The following ICA1L variants were observed in gnomAD, a reference collection of about 807,000 sequenced individuals.
The protein encoded by ICA1L is islet cell autoantigen 1 like.
In ICA1L, 50 loss-of-function variants were observed where a neutral mutation model predicts 61.3. That is an observed-to-expected ratio of 0.82 (90% CI 0.65 to 1.03). The LOEUF is 1.03. Ranked by LOEUF, ICA1L falls within the 50% of genes least tolerant of loss-of-function variation. The pLI, the probability that ICA1L is intolerant of heterozygous loss-of-function variation, is 0.00. For synonymous variants in ICA1L, 161 were observed against 191.3 expected (o/e 0.84, Z 1.31); for missense variants, 508 against 556.7 (o/e 0.91, Z 0.88).
At position 202,779,534 on chromosome 2, in the gene ICA1L, C is replaced by G. The variant is rs1692328415; in HGVS notation, c.1448G>C (p.Ter483SerextTer4). 6.4e-7 allele frequency: 1 copy of G among 1,568,018 alleles called. No homozygotes were observed. Among genetic ancestry groups the G allele is most frequent in the Middle Eastern group, 1.7e-4 (1 of 5,996 alleles). ...GHSDDELLNA[*>S] ...ACTGAAGTGACATTATAACTTCAGT[C>G]AAGCATTAAGAAGTTCATCATCTGA... Residue 483 changes from the stop codon to serine (S), a stop_lost, in exon 13 of 13, where the codon TGA becomes TCA. Coordinates refer to ENST00000358299, the MANE Select transcript of ICA1L (RefSeq NM_001288622.3).
At chr2:202,852,484 C>T (rs572652235) in intron 1 of ICA1L, among the ~76,000 whole-genome samples, 33 of 151,914 alleles carry the variant, frequency 2.2e-4, no homozygotes, top group African/African-American at 6.5e-4. Context: ...TCCTGGCTAA[C>T]ATGGTGAAAC....
chr2:202,804,442 T>G (rs1327277805), intron 9 of ICA1L, among the ~76,000 whole-genome samples: 1 of 152,144 alleles, frequency 6.6e-6, no homozygotes, highest in Non-Finnish European at 1.5e-5. Context: ...ATTGTCTTAC[T>G]AAGAAAATTA....
intron 1 of ICA1L, among the ~76,000 whole-genome samples, chr2:202,854,570 C>A (rs1694721662): frequency 6.6e-6 from 1 of 152,164 alleles, no homozygotes; most frequent in Non-Finnish European, 1.5e-5. Flanking sequence ...ACTCTCCACC[C>A]CAAATCAACA....
At position 202,817,529 on chromosome 2, in the gene ICA1L, C is replaced by T. The variant is rs942036515; in HGVS notation, c.573G>A (p.Val191=). The T allele has an allele frequency of 7.5e-6, 12 of 1,607,128 alleles. No homozygotes were observed. Among genetic ancestry groups the T allele is most frequent in the Non-Finnish European group, 9.4e-6 (11 of 1,175,510 alleles). ...MEKFRKVQMQ[V]RNSKASFDKL... is the part of the protein sequence containing the mutation. ...TGTCAAAAGAAGCTTTGCTATTTCT[C>T]ACTTGCATCTGTACCTGCAATAAAA... Residue 191 remains valine, a synonymous_variant, in exon 6 of 13, where the codon GTG becomes GTA. Coordinates refer to ENST00000358299, the MANE Select transcript of ICA1L (RefSeq NM_001288622.3).
At chr2:202,848,077 C>T (rs919507823) in intron 1 of ICA1L, among the ~76,000 whole-genome samples, 13 of 152,016 alleles carry the variant, frequency 8.6e-5, no homozygotes, top group Non-Finnish European at 1.8e-4. Flanking sequence ...CTGGGGACTA[C>T]TGGAGTGGGG....
intron 11 of ICA1L, 60 bp downstream of exon 11, chr2:202,788,770 C>G (rs1004105103): frequency 3.5e-5 from 54 of 1,559,958 alleles, no homozygotes; most frequent in Non-Finnish European, 4.2e-5. Context: ...ATAAGCACAC[C>G]ATTTTGCTTC....
rs1318093435 is a variant in ICA1L, at chr2:202,841,410, G to A, written c.-7-12394C>T. 2.6e-6 allele frequency: 3 copies of A among 1,165,332 alleles called. No individual in the cohort carries two copies. In the Admixed American group the frequency reaches 5.1e-5, roughly 20 times the overall value. 72.2% of individuals were successfully genotyped at this position (1,165,332 alleles called of 1,614,324 possible). ...AGCCATCTTCTGCTGCTGCAGGAGG[G>A]CTCCACTTGGTCTCCAGCATCTTGT... is the stretch of plus-strand genomic sequence containing the variant. On this transcript the variant is annotated intron_variant, in intron 1 of 12. Coordinates refer to ENST00000358299, the MANE Select transcript of ICA1L (RefSeq NM_001288622.3).
chr2:202,810,048 A>G (rs926061536), intron 9 of ICA1L, among the ~76,000 whole-genome samples: 9 of 152,210 alleles, frequency 5.9e-5, no homozygotes, highest in East Asian at 3.9e-4. Flanking sequence ...GCATTTAGTA[A>G]TCAAACTCCC....
intron 10 of ICA1L, among the ~76,000 whole-genome samples, chr2:202,791,517 G>C (rs565452354): frequency 6.6e-6 from 1 of 152,308 alleles, no homozygotes; most frequent in African/African-American, 2.4e-5. Flanking sequence ...AACACCATCA[G>C]TCACTGGAGA....
intron 12 of ICA1L, among the ~76,000 whole-genome samples, chr2:202,784,179 C>T (rs1470279679): frequency 6.6e-6 from 1 of 152,158 alleles, no homozygotes; most frequent in Non-Finnish European, 1.5e-5. Context: ...AGGCCAGGTC[C>T]AGTGACCCAC....
intron 1 of ICA1L, chr2:202,870,969 T>G (rs888687601): frequency 6.6e-6 from 1 of 152,214 alleles, no homozygotes. Context: ...CCAGGAGCCA[T>G]ATCTGTGCCG....
Position 202,819,781 on chromosome 2 carries a change from T to C in ICA1L, c.478A>G (p.Arg160Gly). Residue 160 changes from arginine to glycine, a missense_variant, in exon 5 of 13, where the codon AGA (arginine) becomes GGA (glycine). Coordinates refer to ENST00000358299, the MANE Select transcript of ICA1L (RefSeq NM_001288622.3). ...TCTTTCATCCACAGTAGAGCTCCTC[T>C]GTATTCTGTGCGTGCCTGCTCCATC... Reference protein sequence around the residue: ...NRMEQARTEYRGALLWMKDVS... With the variant: ...NRMEQARTEYGGALLWMKDVS... The C allele has an allele frequency of 6.2e-7, 1 of 1,614,102 alleles. No individual in the cohort carries two copies. The highest frequency in any genetic ancestry group is 8.5e-7 in the Non-Finnish European group (1 of 1,179,936).
At chr2:202,813,617 C>T (rs545284915) in intron 8 of ICA1L, among the ~76,000 whole-genome samples, 27 of 152,210 alleles carry the variant, frequency 1.8e-4, no homozygotes, top group Admixed American at 8.5e-4. Flanking sequence ...CTCCAAGGCG[C>T]GTTGGGCTTT....
chr2:202,841,393 TCTG>T, intron 1 of ICA1L: 1 of 1,087,264 alleles, frequency 9.2e-7, no homozygotes, highest in Non-Finnish European at 1.4e-6. Context: ...TAAGCCATCT[TCTG>T]CTGCTGCAGG....
chr2:202,794,592 GATT>G (rs1364428626), intron 10 of ICA1L, among the ~76,000 whole-genome samples: 1 of 151,970 alleles, frequency 6.6e-6, no homozygotes, highest in Non-Finnish European at 1.5e-5. Flanking sequence ...AAAAAAACAA[GATT>G]ATCTCTATTT....
chr2:202,845,374 C>A (rs1694438556), intron 1 of ICA1L, among the ~76,000 whole-genome samples: 1 of 152,120 alleles, frequency 6.6e-6, no homozygotes, highest in Non-Finnish European at 1.5e-5. Context: ...TACCTGTAAT[C>A]CCAGCATTTT....
intron 8 of ICA1L, among the ~76,000 whole-genome samples, chr2:202,813,706 C>T (rs937278757): frequency 4.6e-5 from 7 of 151,976 alleles, no homozygotes; most frequent in Non-Finnish European, 8.8e-5. Flanking sequence ...TTTCTGAGTT[C>T]GTTAATATAT....
rs1693647686 is a variant in ICA1L, at chr2:202,819,776, T to C, written c.483A>G (p.Gly161=). ...RMEQARTEYR[G]ALLWMKDVSQ... Reference sequence around the variant, plus strand: ...ATACATCTTTCATCCACAGTAGAGCTCCTCTGTATTCTGTGCGTGCCTGCT... The same window carrying C: ...ATACATCTTTCATCCACAGTAGAGCCCCTCTGTATTCTGTGCGTGCCTGCT... Residue 161 remains glycine, a synonymous_variant, in exon 5 of 13, where the codon GGA becomes GGG. Coordinates refer to ENST00000358299, the MANE Select transcript of ICA1L (RefSeq NM_001288622.3). 1 of 1,614,004 alleles carries C rather than the reference T, an allele frequency of 6.2e-7. No individual in the cohort carries two copies. The highest frequency in any genetic ancestry group is 1.3e-5 in the African/African-American group (1 of 74,938).
rs754007587 is a variant in ICA1L, at chr2:202,849,409, A to G, written c.-7-20393T>C. On this transcript the variant is annotated intron_variant, in intron 1 of 12. Transcript: ENST00000358299. This position sits in a 1 kb window ranked among gnomAD's most constrained non-coding sequence, Gnocchi z 4.5. The stretch of plus-strand genomic sequence containing the variant: ...TTGAAATTCTCACTGCCAGCACAGC[A>G]GTCTGAAGTTGATCTGGGACGATCA... Among the ~76,000 whole-genome samples the G allele has an allele frequency of 9.8e-5, 15 of 152,316 alleles. No individual in the cohort carries two copies. The highest frequency in any genetic ancestry group is 2.0e-4 in the Admixed American group (3 of 15,308).
Sources: allele counts gnomAD v4.1 joint callset (sites outside exome capture counted in the v4.1 genomes callset), GRCh38; gene constraint gnomAD v4.1.1; non-coding constraint Gnocchi (gnomAD v3.1); transcripts MANE v1.5; gene names NCBI Gene and HGNC (gene_info 2026-07-23, HGNC 2026-07-21).